The following GLIPR2 variants were observed in gnomAD, a reference collection of about 807,000 sequenced individuals.
The protein encoded by GLIPR2 is GLI pathogenesis related 2.
In GLIPR2, 21 loss-of-function variants were observed where a neutral mutation model predicts 20.4. The ratio of observed to expected loss-of-function variants is 1.03; its 90% CI spans 0.73 to 1.48. The LOEUF is 1.48. Ranked by LOEUF, GLIPR2 falls within the 40% of genes most tolerant of loss-of-function variation. The pLI is 0.00. For synonymous variants in GLIPR2, 91 were observed against 80.5 expected, an observed-to-expected ratio of 1.13 and a Z score of -0.70; for missense variants, 205 against 200.1, an observed-to-expected ratio of 1.02 and a Z score of -0.15.
intron 4 of GLIPR2, among the ~76,000 whole-genome samples, chr9:36,151,331 C>T (rs535394184): frequency 6.6e-6 from 1 of 152,276 alleles, no homozygotes; most frequent in African/African-American, 2.4e-5. Flanking sequence ...CCAGCAGCCT[C>T]AATACTTCTA....
In GLIPR2 at chr9:36,150,907, A is replaced by G. The variant is rs746255281; in HGVS notation, c.262A>G (p.Lys88Glu). ...EVADRWYSEI[K>E]NYNFQQPGFT... ...GGCTGATAGATGGTACAGTGAAATC[A>G]AGAACTATAACTTCCAGCAGCCTGG... Residue 88 changes from lysine (K) to glutamate (E), a missense_variant, in exon 4 of 5, where the codon AAG (lysine) becomes GAG (glutamate). Lys to Glu is a moderately conservative substitution (Grantham distance 56). Transcript: ENST00000377960. 5.0e-6 allele frequency: 8 copies of G among 1,613,860 alleles called. 1 individual carries two copies. The highest frequency in any genetic ancestry group is 6.8e-6 in the Non-Finnish European group (8 of 1,179,868).
Position 36,136,855 on chromosome 9 carries a change from C to T in GLIPR2, c.13+64C>T, listed in dbSNP as rs947930860. The stretch of plus-strand genomic sequence containing the variant: ...ACCCCGCGCTCCCGGACCTCGCCGT[C>T]TCCCTCGTCCGCCGCAAGCCAGGTC... On this transcript the variant is annotated intron_variant, in intron 1 of 4. Transcript: ENST00000377960. The surrounding 1 kb of genome is among the most constrained non-coding windows in gnomAD (Gnocchi z 4.3). The T allele has an allele frequency of 7.1e-5, 89 of 1,256,306 alleles. No homozygotes were observed. Among genetic ancestry groups the T allele is most frequent in the Non-Finnish European group, 8.5e-5 (85 of 999,642 alleles). The allele number at this position is 1,256,306 out of a possible 1,614,324, so 77.8% of individuals were successfully genotyped here. A position where few individuals can be genotyped will look rare whatever the true frequency, so the allele number is the denominator to read the frequency against.
intron 1 of GLIPR2, chr9:36,144,271 G>A (rs1311834001): frequency 2.0e-5 from 3 of 152,146 alleles, no homozygotes; most frequent in African/African-American, 7.2e-5. Flanking sequence ...TGCTAACCCT[G>A]AAATCTTTTT....
chr9:36,154,592 G>A (rs372412974), intron 4 of GLIPR2, among the ~76,000 whole-genome samples: 5 of 152,198 alleles, frequency 3.3e-5, no homozygotes, highest in African/African-American at 1.2e-4. Flanking sequence ...CAGCAGGAAA[G>A]AGGATGTCAT....
chr9:36,148,262 G>A (rs1371408181), intron 2 of GLIPR2, among the ~76,000 whole-genome samples: 1 of 145,464 alleles, frequency 6.9e-6, no homozygotes, highest in Admixed American at 6.7e-5. Context: ...AAAAAAAAAC[G>A]TTGGGGGGCC....
rs758805246 is a variant in GLIPR2, at chr9:36,162,530, A to C, written c.*8A>C. ...CTGCCGCCGAAGAAGTAACTTGTTA[A>C]ATGTAATGGGAAGGTGGCAGACTTA... On this transcript the variant is annotated 3_prime_UTR_variant, in exon 5 of 5. Transcript: ENST00000377960. 1.1e-5 allele frequency: 18 copies of C among 1,613,922 alleles called. No homozygotes were observed. Among genetic ancestry groups the C allele is most frequent in the Non-Finnish European group, 1.4e-5 (17 of 1,179,958 alleles).
chr9:36,147,932 A>G (rs1435599918), intron 2 of GLIPR2, 38 bp downstream of exon 2: 2 of 931,090 alleles, frequency 2.1e-6, no homozygotes, highest in South Asian at 1.3e-5. Flanking sequence ...TTGGCCCTTC[A>G]TGTGCTGCTA....
At chr9:36,144,701 C>T (rs1825251279) in intron 1 of GLIPR2, 1 of 152,432 alleles carries the variant, frequency 6.6e-6, no homozygotes, top group Non-Finnish European at 1.5e-5. Context: ...ACTGGACAGC[C>T]TCACTGAGCC....
intron 4 of GLIPR2, among the ~76,000 whole-genome samples, chr9:36,151,960 A>G (rs2132752945): frequency 6.6e-6 from 1 of 152,264 alleles, no homozygotes; most frequent in East Asian, 1.9e-4. Context: ...ACCCACAAGT[A>G]GAGCCTTGCG....
intron 1 of GLIPR2, among the ~76,000 whole-genome samples, chr9:36,142,647 G>A (rs923425949): frequency 6.6e-6 from 1 of 152,094 alleles, no homozygotes. Flanking sequence ...TTCCCCCATC[G>A]TAGGGTGGCT....
chr9:36,156,738 C>T (rs1237438913), intron 4 of GLIPR2, among the ~76,000 whole-genome samples: 1 of 152,196 alleles, frequency 6.6e-6, no homozygotes, highest in East Asian at 1.9e-4. Flanking sequence ...AGCATGAACC[C>T]TATTATGAAT....
In GLIPR2 at chr9:36,158,459, A is replaced by G. The variant is rs138303972; in HGVS notation, c.305-3903A>G. ...TAACCACCCTATGGGAATCTTAGATACTCTGATCATGACTTTCCTCCTCCC... is the reference window on the plus strand; with the variant it reads ...TAACCACCCTATGGGAATCTTAGATGCTCTGATCATGACTTTCCTCCTCCC... On this transcript the variant is annotated intron_variant, in intron 4 of 4. Coordinates refer to ENST00000377960, the MANE Select transcript of GLIPR2 (RefSeq NM_022343.4). 7.0e-3 allele frequency among the ~76,000 whole-genome samples: 1,070 copies of G among 152,088 alleles called. 10 individuals are homozygous for G. The highest frequency in any genetic ancestry group is 0.024 in the African/African-American group (1,010 of 41,466).
intron 1 of GLIPR2, among the ~76,000 whole-genome samples, chr9:36,137,081 G>A (rs1018068815): frequency 1.3e-5 from 2 of 152,206 alleles, no homozygotes; most frequent in African/African-American, 4.8e-5. Flanking sequence ...TTTGTTTCAG[G>A]AGGCCAGACT....
intron 1 of GLIPR2, chr9:36,137,013 T>C (rs1002912927): frequency 1.4e-4 from 63 of 452,430 alleles, no homozygotes; most frequent in Non-Finnish European, 2.1e-4. Context: ...TCGCGCCAAG[T>C]TGGGCTTCCC....
intron 4 of GLIPR2, among the ~76,000 whole-genome samples, chr9:36,156,385 TAAAAAAAAAAAAAAAAAA>T (rs58467311): frequency 0.02 from 1,522 of 77,794 alleles, 49 homozygotes; most frequent in African/African-American, 0.07. Context: ...AAGCCATGTC[TAAAAAAAAAAAAAAAAAA>T]AAAAAAAAAG....
At chr9:36,140,773 G>A (rs113429895) in intron 1 of GLIPR2, among the ~76,000 whole-genome samples, 40 of 152,260 alleles carry the variant, frequency 2.6e-4, no homozygotes, top group African/African-American at 7.5e-4. Context: ...TCTTACACCC[G>A]GCTCTAATGT....
At chr9:36,143,588 G>C (rs1021807993) in intron 1 of GLIPR2, among the ~76,000 whole-genome samples, 4 of 152,208 alleles carry the variant, frequency 2.6e-5, no homozygotes, top group Non-Finnish European at 2.9e-5. Context: ...CACTCGTTCT[G>C]ATCAGCGTCT....
At chr9:36,152,750 C>CA (rs1217889590) in intron 4 of GLIPR2, among the ~76,000 whole-genome samples, 4,992 of 41,526 alleles carry the variant, frequency 0.12, 295 homozygotes, top group East Asian at 0.16. Flanking sequence ...AACTCTGTCT[C>CA]AAAAAAAAAA....
rs79311272 is a variant in GLIPR2, at chr9:36,149,374, T to A, written c.226+724T>A. Among the ~76,000 whole-genome samples the A allele has an allele frequency of 3.9e-5, 6 of 152,312 alleles. No individual in the cohort carries two copies. The East Asian group carries it at 1.2e-3, about 29-fold the overall frequency. The stretch of plus-strand genomic sequence containing the variant: ...TGGGAGATCCCCCAAGTCCTCTTGG[T>A]TTCCCCAGCACAGCCTAAGCCAGGG... On this transcript the variant is annotated intron_variant, in intron 3 of 4. Transcript: ENST00000377960.
Sources: allele counts gnomAD v4.1 joint callset (sites outside exome capture counted in the v4.1 genomes callset), GRCh38; gene constraint gnomAD v4.1.1; non-coding constraint Gnocchi (gnomAD v3.1); transcripts MANE v1.5; gene names NCBI Gene and HGNC (gene_info 2026-07-23, HGNC 2026-07-21).